CDKL5: variants seen among roughly 807,000 people sequenced by gnomAD.
CDKL5 encodes the protein cyclin dependent kinase like 5, also known as cyclin-dependent kinase-like 5.
Under a neutral mutation model 61.7 loss-of-function variants are expected in CDKL5, and 8 were observed. The ratio of observed to expected loss-of-function variants is 0.13; its 90% confidence interval spans 0.08 to 0.23. The LOEUF (loss-of-function observed/expected upper bound fraction) is 0.23, where lower values mean the gene tolerates loss of function less well. CDKL5 is among the 10% of genes least tolerant of loss of function. The pLI, the probability that CDKL5 is intolerant of heterozygous loss-of-function variation, is 1.00. For missense variants in CDKL5, 440 were observed against 734.5 expected, an observed-to-expected ratio of 0.60 and a Z score of 4.63; for synonymous variants, 275 against 272.3, an observed-to-expected ratio of 1.01 and a Z score of -0.10.
At chrX:18,647,963 C>T (rs1927856173) in intron 20 of CDKL5, among the ~76,000 whole-genome samples, 1 of 111,576 alleles carries the variant, frequency 9.0e-6, no homozygotes, top group Admixed American at 9.4e-5. Context: ...ACTGCTTTTT[C>T]CCAGTGGTAG....
At chrX:18,618,694 C>T (rs1343132440) in intron 15 of CDKL5, among the ~76,000 whole-genome samples, 3 of 112,224 alleles carry the variant, frequency 2.7e-5, no homozygotes, top group Non-Finnish European at 5.6e-5. Context: ...TTTGGCTGGC[C>T]GCGGTGGCTC....
At chrX:18,450,410 A>T (rs1244985241) in intron 1 of CDKL5, among the ~76,000 whole-genome samples, 1 of 111,982 alleles carries the variant, frequency 8.9e-6, no homozygotes, top group Non-Finnish European at 1.9e-5. Flanking sequence ...TCTTTGCCAG[A>T]TTATTAAAAT....
intron 1 of CDKL5, among the ~76,000 whole-genome samples, chrX:18,429,368 A>G (rs1288129038): frequency 1.8e-5 from 2 of 111,381 alleles, no homozygotes; most frequent in African/African-American, 6.5e-5. Flanking sequence ...TAATAATTAT[A>G]ATACTCCATC....
intron 3 of CDKL5, among the ~76,000 whole-genome samples, chrX:18,560,832 T>G (rs184772037): frequency 1.8e-5 from 2 of 111,071 alleles, no homozygotes; most frequent in Admixed American, 1.9e-4. Flanking sequence ...AATTTAAAAT[T>G]TTTATTTCAA....
At chrX:18,451,135 T>G (rs1219200102) in intron 1 of CDKL5, among the ~76,000 whole-genome samples, 1 of 111,911 alleles carries the variant, frequency 8.9e-6, no homozygotes, top group African/African-American at 3.2e-5. Context: ...GTTGAATGAA[T>G]GAATGTTCTT....
chrX:18,456,052 CTT>C (rs548003382), intron 1 of CDKL5, among the ~76,000 whole-genome samples: 1 of 102,454 alleles, frequency 9.8e-6, no homozygotes. Flanking sequence ...TTCTTTCTTT[CTT>C]TTTTTTTTTT....
chrX:18,471,169 AATTTTTATTTTTT>A (rs1921081556), intron 1 of CDKL5, among the ~76,000 whole-genome samples: 1 of 110,788 alleles, frequency 9.0e-6, no homozygotes, highest in Admixed American at 9.7e-5. Context: ...TGTGGTTAAA[AATTTTTATTTTTT>A]ATTTTTATTT....
intron 3 of CDKL5, among the ~76,000 whole-genome samples, chrX:18,515,263 T>C (rs1922975529): frequency 8.9e-6 from 1 of 112,083 alleles, no homozygotes; most frequent in South Asian, 3.7e-4. Context: ...TTGTACAGCT[T>C]GATAGAGAGA....
At chrX:18,619,765 T>C in intron 15 of CDKL5, 102 bp from the exon 16 acceptor site, 2 of 551,909 alleles carry the variant, frequency 3.6e-6, no homozygotes, top group South Asian at 2.8e-5. Flanking sequence ...TTCCCGGCTA[T>C]AGGAACCTAG....
intron 1 of CDKL5, among the ~76,000 whole-genome samples, chrX:18,464,923 T>C (rs1321308905): frequency 8.9e-6 from 1 of 112,435 alleles, no homozygotes; most frequent in Non-Finnish European, 1.9e-5. Flanking sequence ...CTGTTAACTT[T>C]CTTTTTGACA....
At chrX:18,641,815 A>C, downstream of CDKL5, 1 of 444,417 alleles carries the variant, frequency 2.3e-6, no homozygotes, top group Non-Finnish European at 3.9e-6. Flanking sequence ...TGAGTGGGGA[A>C]TAAGTTCATT....
chrX:18,500,261 A>G lies in CDKL5; in HGVS notation c.-162-6674A>G, dbSNP rs960955241. Among the ~76,000 whole-genome samples the G allele has an allele frequency of 2.7e-5, 3 of 111,934 alleles. No homozygotes were observed. The East Asian group carries it at 8.3e-4, about 31-fold the overall frequency. ...AATGATCAGGGTAATTGGGGTATCCATCATTTCAAGCATTTATCATTTCTT... is the reference window on the plus strand; with the variant it reads ...AATGATCAGGGTAATTGGGGTATCCGTCATTTCAAGCATTTATCATTTCTT... On this transcript the variant is annotated intron_variant, in intron 1 of 17. Coordinates refer to ENST00000623535, the MANE Select transcript of CDKL5 (RefSeq NM_001323289.2).
chrX:18,518,159 T>G (rs189769865), intron 3 of CDKL5, among the ~76,000 whole-genome samples: 68 of 110,338 alleles, frequency 6.2e-4, no homozygotes, highest in African/African-American at 1.7e-3. Context: ...ATCAACTTTT[T>G]TTTTTGTTTT....
chrX:18,431,423 C>CTTTTCTTTTTTTTTTTTT (rs1931484876), intron 1 of CDKL5, among the ~76,000 whole-genome samples: 1 of 95,530 alleles, frequency 1.0e-5, no homozygotes, highest in African/African-American at 3.8e-5. Flanking sequence ...GATTTCTTTT[C>CTTTTCTTTTTTTTTTTTT]TTTTTTTTTT....
intron 1 of CDKL5, among the ~76,000 whole-genome samples, chrX:18,431,803 G>A: frequency 9.0e-6 from 1 of 111,128 alleles, no homozygotes; most frequent in Middle Eastern, 4.6e-3. Context: ...TTAATTTATG[G>A]AGTTGGTGTG....
chrX:18,471,960 C>T (rs1199345000), intron 1 of CDKL5, among the ~76,000 whole-genome samples: 1 of 111,229 alleles, frequency 9.0e-6, no homozygotes, highest in Admixed American at 9.6e-5. Flanking sequence ...AGGCTGGTCT[C>T]GATCTCCTGA....
chrX:18,448,104 C>G (rs1212478837), intron 1 of CDKL5, among the ~76,000 whole-genome samples: 1 of 108,761 alleles, frequency 9.2e-6, no homozygotes, highest in Non-Finnish European at 1.9e-5. Context: ...TTGTAATCTG[C>G]TGGAAATCTA....
intron 1 of CDKL5, among the ~76,000 whole-genome samples, chrX:18,490,430 T>C (rs1321362855): frequency 9.1e-6 from 1 of 109,422 alleles, no homozygotes; most frequent in Admixed American, 9.9e-5. Flanking sequence ...GAATCAGAAT[T>C]GGTGTTGGAA....
chrX:18,518,435 T>C (rs1348368500), intron 3 of CDKL5, among the ~76,000 whole-genome samples: 1 of 79,241 alleles, frequency 1.3e-5, no homozygotes, highest in Non-Finnish European at 2.3e-5. Context: ...TGACAGAGTC[T>C]CGCTCTGTCG....
Sources: gnomAD v4.1 joint callset for allele counts (sites outside exome capture counted in the v4.1 genomes callset) on GRCh38, gnomAD v4.1.1 for gene constraint, MANE v1.5 for transcripts, NCBI Gene and HGNC (gene_info 2026-07-23, HGNC 2026-07-21) for gene names.